The following SPAG17 variants were observed in gnomAD, a reference collection of about 807,000 sequenced individuals.
SPAG17 encodes the protein sperm-associated antigen 17.
A neutral mutation model predicts 273.6 loss-of-function variants in SPAG17; 169 were observed. That is an observed-to-expected ratio of 0.62 (90% CI 0.55 to 0.70). The LOEUF is 0.70. SPAG17 is among the 30% of genes least tolerant of loss of function. The pLI, the probability that SPAG17 is intolerant of heterozygous loss-of-function variation, is 0.00. For synonymous variants in SPAG17, 825 were observed against 873.2 expected, an observed-to-expected ratio of 0.94 and a Z score of 0.97; for missense variants, 2,557 against 2,627.8, an observed-to-expected ratio of 0.97 and a Z score of 0.59.
At chr1:118,023,631 T>C (rs1055370102) in intron 27 of SPAG17, among the ~76,000 whole-genome samples, 168 bp from the exon 28 acceptor site, 1 of 152,142 alleles carries the variant, frequency 6.6e-6, no homozygotes, top group South Asian at 2.1e-4. Flanking sequence ...AAGGTAGATT[T>C]GGAGTTCAGA....
At chr1:118,051,544 TAC>T (rs147508671) in intron 20 of SPAG17, among the ~76,000 whole-genome samples, 10 of 148,378 alleles carry the variant, frequency 6.7e-5, no homozygotes, top group Admixed American at 2.0e-4. Context: ...AAATTTGAGA[TAC>T]ACACACACAC....
At chr1:118,123,809 T>C (rs1657553095) in intron 3 of SPAG17, among the ~76,000 whole-genome samples, 1 of 152,162 alleles carries the variant, frequency 6.6e-6, no homozygotes, top group African/African-American at 2.4e-5. Context: ...CATAATAACA[T>C]TTGACAGGGA....
At chr1:117,972,127 A>C in intron 44 of SPAG17, 80 bp from the exon 45 acceptor site, 1 of 1,257,896 alleles carries the variant, frequency 7.9e-7, no homozygotes, top group Non-Finnish European at 1.1e-6. Context: ...CTGTCACCAG[A>C]GGAAAATAAC....
intron 48 of SPAG17, 170 bp downstream of exon 48, chr1:117,963,629 G>A (rs1653411487): frequency 2.0e-6 from 1 of 492,922 alleles, no homozygotes; most frequent in South Asian, 3.3e-5. Flanking sequence ...CTCCCAAAGT[G>A]CTGGGATTAC....
At chr1:118,154,344 A>G (rs1285566385) in intron 1 of SPAG17, among the ~76,000 whole-genome samples, 1 of 152,222 alleles carries the variant, frequency 6.6e-6, no homozygotes, top group African/African-American at 2.4e-5. Context: ...CAAACATGAC[A>G]GGGACCAGTC....
intron 18 of SPAG17, among the ~76,000 whole-genome samples, chr1:118,066,387 T>C (rs999620529): frequency 1.3e-5 from 2 of 152,134 alleles, no homozygotes; most frequent in African/African-American, 4.8e-5. Flanking sequence ...TAAAATAGAG[T>C]TAAAAAAACC....
At chr1:118,126,269 G>A (rs1302572409) in intron 3 of SPAG17, among the ~76,000 whole-genome samples, 5 of 143,480 alleles carry the variant, frequency 3.5e-5, no homozygotes, top group East Asian at 2.1e-4. Context: ...GCAGTGGCGC[G>A]ATCTCGGCTC....
chr1:118,057,020 GC>G (rs1651766762), intron 18 of SPAG17, among the ~76,000 whole-genome samples: 1 of 150,942 alleles, frequency 6.6e-6, no homozygotes, highest in African/African-American at 2.4e-5. Flanking sequence ...TGTCACCCAG[GC>G]CAGAGTGCAG....
intron 48 of SPAG17, among the ~76,000 whole-genome samples, chr1:117,956,254 G>GT (rs1441173962): frequency 1.3e-5 from 2 of 152,120 alleles, no homozygotes; most frequent in African/African-American, 4.8e-5. Flanking sequence ...GAGACCAAAA[G>GT]TTTGAGACCA....
rs150789744 is a variant in SPAG17 at position 118,073,583 on chromosome 1, A to C, written c.2385+271T>G. Among the ~76,000 whole-genome samples the C allele has an allele frequency of 1.9e-3, 287 of 152,304 alleles. 1 individual carries two copies. Among genetic ancestry groups the C allele is most frequent in the Non-Finnish European group, 2.9e-3 (199 of 68,020 alleles). On this transcript the variant is annotated intron_variant, in intron 17 of 48. Coordinates refer to ENST00000336338, the MANE Select transcript of SPAG17 (RefSeq NM_206996.4). ...TAGAAAATACATGCAGCAGCAAAAAAATATATATATGCAGCAGTCTTGTAT... is the reference window on the plus strand; with the variant it reads ...TAGAAAATACATGCAGCAGCAAAAACATATATATATGCAGCAGTCTTGTAT...
intron 1 of SPAG17, among the ~76,000 whole-genome samples, chr1:118,163,669 T>C (rs1379180925): frequency 6.6e-6 from 1 of 151,312 alleles, no homozygotes; most frequent in Non-Finnish European, 1.5e-5. Context: ...ACTTCACACA[T>C]ACATGGCCAT....
At chr1:117,984,468 A>G (rs1411425535) in intron 41 of SPAG17, among the ~76,000 whole-genome samples, 1 of 152,206 alleles carries the variant, frequency 6.6e-6, no homozygotes, top group Non-Finnish European at 1.5e-5. Context: ...ATAGTTATAC[A>G]TTGCAGAGAA....
rs770271575 is a variant in SPAG17, at chr1:118,055,892, T to C, written c.2563A>G (p.Lys855Glu). 6.2e-7 allele frequency: 1 copy of C among 1,605,678 alleles called. No homozygotes were observed. The highest frequency in any genetic ancestry group is 8.5e-7 in the Non-Finnish European group (1 of 1,178,070). ...GFRNYLELVAKSIQDWITKEE... is the reference protein window; with the variant it reads ...GFRNYLELVAESIQDWITKEE... Reference sequence around the variant, plus strand: ...TTTGTAATCCAATCTTGAATAGATTTTGCAACAAGTTCCAAATAATTCCTA... The same window carrying C: ...TTTGTAATCCAATCTTGAATAGATTCTGCAACAAGTTCCAAATAATTCCTA... Residue 855 changes from lysine to glutamate, a missense_variant, in exon 19 of 49, where the codon AAA becomes GAA. Transcript: ENST00000336338.
chr1:118,083,944 G>A (rs1557999984), intron 13 of SPAG17, among the ~76,000 whole-genome samples: 1 of 152,118 alleles, frequency 6.6e-6, no homozygotes, highest in Non-Finnish European at 1.5e-5. Flanking sequence ...TGTGGCAAAA[G>A]GGAAAAGAGG....
At chr1:117,976,767 A>G (rs1181327179) in intron 43 of SPAG17, among the ~76,000 whole-genome samples, 1 of 152,216 alleles carries the variant, frequency 6.6e-6, no homozygotes, top group African/African-American at 2.4e-5. Flanking sequence ...GCTGCCATGG[A>G]CATCCACAGG....
intron 40 of SPAG17, among the ~76,000 whole-genome samples, chr1:117,986,286 A>T (rs1656394854): frequency 6.6e-6 from 1 of 152,226 alleles, no homozygotes; most frequent in Non-Finnish European, 1.5e-5. Flanking sequence ...TCTTAAAATT[A>T]TTCTCACAAA....
intron 36 of SPAG17, 93 bp from the exon 37 acceptor site, chr1:117,991,621 TGAA>T (rs1657086511): frequency 1.3e-6 from 1 of 744,230 alleles, no homozygotes. Context: ...TTACAAAAAA[TGAA>T]GAATATATAG....
rs769441705 is a variant in SPAG17, at chr1:117,992,579, C to A, written c.5248G>T (p.Val1750Leu). ...KGLCIESKQL[V>L]SAPGAILKSP... ...TTGAGTATGGCACCCGGGGCACTCA[C>A]TAGCTGTTTGGACTCAATGCAAAGG... The change falls in exon 36 of 49, where the codon GTG (valine) becomes TTG (leucine). Residue 1750 changes from valine to leucine, a missense_variant. Transcript: ENST00000336338. 3.1e-6 allele frequency: 5 copies of A among 1,613,730 alleles called. No individual in the cohort carries two copies. The highest frequency in any genetic ancestry group is 4.2e-6 in the Non-Finnish European group (5 of 1,179,836).
chr1:118,100,422 T>C (rs1655989451), intron 5 of SPAG17, among the ~76,000 whole-genome samples: 1 of 152,234 alleles, frequency 6.6e-6, no homozygotes, highest in South Asian at 2.1e-4. Context: ...TATTAAGACA[T>C]GATCTTATTT....
Sources: allele counts gnomAD v4.1 joint callset (sites outside exome capture counted in the v4.1 genomes callset), GRCh38; gene constraint gnomAD v4.1.1; transcripts MANE v1.5; gene names NCBI Gene and HGNC (gene_info 2026-07-23, HGNC 2026-07-21).